The following GALNTL6 variants were observed in gnomAD, a reference collection of about 807,000 sequenced individuals.
GALNTL6 encodes polypeptide N-acetylgalactosaminyltransferase-like 6.
Under a neutral mutation model 73.7 loss-of-function variants are expected in GALNTL6, and 46 were observed. The observed-to-expected ratio is 0.62, with a 90% CI of 0.49 to 0.80. The LOEUF (loss-of-function observed/expected upper bound fraction) is 0.80. GALNTL6 is among the 30% of genes least tolerant of loss of function. The probability of loss-of-function intolerance (pLI) is 0.00; values close to 1 mark genes in which losing one functional copy is unlikely to be tolerated. For synonymous variants in GALNTL6, 259 were observed against 263.7 expected (o/e 0.98, Z 0.17); for missense variants, 604 against 755.0 (o/e 0.80, Z 2.34).
intron 5 of GALNTL6, among the ~76,000 whole-genome samples, chr4:172,763,632 G>T (rs1050539177): frequency 1.3e-5 from 2 of 152,192 alleles, no homozygotes; most frequent in African/African-American, 4.8e-5. Flanking sequence ...TAAAGGCATC[G>T]TATCTATGGA....
intron 5 of GALNTL6, among the ~76,000 whole-genome samples, chr4:172,763,882 T>C (rs1193890008): frequency 2.6e-5 from 4 of 151,724 alleles, no homozygotes; most frequent in African/African-American, 9.7e-5. Flanking sequence ...TTCAAAGAAA[T>C]ATCAATGACT....
chr4:172,425,618 A>C (rs1731200533), intron 5 of GALNTL6, among the ~76,000 whole-genome samples: 1 of 152,056 alleles, frequency 6.6e-6, no homozygotes, highest in Non-Finnish European at 1.5e-5. Flanking sequence ...TTCTCATAAT[A>C]AGAGCAAATA....
intron 12 of GALNTL6, among the ~76,000 whole-genome samples, chr4:173,025,317 T>C (rs1753188648): frequency 6.6e-6 from 1 of 152,202 alleles, no homozygotes; most frequent in African/African-American, 2.4e-5. Flanking sequence ...TAAAAATATT[T>C]GTCCTCACCC....
chr4:172,594,571 T>C (rs1737778807), intron 5 of GALNTL6, among the ~76,000 whole-genome samples: 1 of 152,152 alleles, frequency 6.6e-6, no homozygotes, highest in Non-Finnish European at 1.5e-5. Flanking sequence ...TTATATCTTG[T>C]TTTTTAAAAA....
chr4:172,985,265 T>A (rs1299778258), intron 10 of GALNTL6, among the ~76,000 whole-genome samples: 3 of 152,034 alleles, frequency 2.0e-5, no homozygotes. Flanking sequence ...CTGCAAAAAG[T>A]TCTAGCAATA....
intron 4 of GALNTL6, among the ~76,000 whole-genome samples, chr4:172,346,144 A>G (rs769138300): frequency 6.6e-6 from 1 of 152,206 alleles, no homozygotes; most frequent in Non-Finnish European, 1.5e-5. Context: ...GCTAGAGCTT[A>G]TCTCTCATGA....
intron 10 of GALNTL6, among the ~76,000 whole-genome samples, chr4:173,002,489 G>C (rs543114728): frequency 1.3e-5 from 2 of 151,422 alleles, no homozygotes; most frequent in Admixed American, 6.6e-5. Context: ...TTATATATGT[G>C]TTTATTCATA....
chr4:172,134,016 G>A (rs537050832), intron 2 of GALNTL6, among the ~76,000 whole-genome samples: 1 of 152,258 alleles, frequency 6.6e-6, no homozygotes, highest in South Asian at 2.1e-4. Context: ...AAAATTAGTT[G>A]ACTGAAGAAT....
intron 2 of GALNTL6, among the ~76,000 whole-genome samples, chr4:172,147,566 A>G (rs1482566641): frequency 6.6e-6 from 1 of 152,196 alleles, no homozygotes; most frequent in Non-Finnish European, 1.5e-5. Context: ...TTTCCCTGAG[A>G]GGTGCCAATT....
chr4:171,907,382 C>A (rs547079822), intron 2 of GALNTL6, among the ~76,000 whole-genome samples: 1 of 152,238 alleles, frequency 6.6e-6, no homozygotes, highest in East Asian at 1.9e-4. Context: ...CATGAGTGAA[C>A]TCCCATTCAC....
chr4:171,993,107 TA>T (rs1445075557), intron 2 of GALNTL6, among the ~76,000 whole-genome samples: 1 of 152,054 alleles, frequency 6.6e-6, no homozygotes, highest in East Asian at 1.9e-4. Flanking sequence ...ACGGCATATT[TA>T]ATTGTAACTT....
intron 5 of GALNTL6, among the ~76,000 whole-genome samples, chr4:172,362,242 C>T (rs1424725551): frequency 1.3e-5 from 2 of 152,026 alleles, no homozygotes; most frequent in African/African-American, 4.8e-5. Flanking sequence ...AAAGTTAATT[C>T]TGAAGTTGTA....
At chr4:172,423,131 A>G (rs1044898222) in intron 5 of GALNTL6, among the ~76,000 whole-genome samples, 1 of 151,870 alleles carries the variant, frequency 6.6e-6, no homozygotes, top group Non-Finnish European at 1.5e-5. Context: ...CCACCTCTAC[A>G]TCTCCACTCT....
intron 4 of GALNTL6, among the ~76,000 whole-genome samples, chr4:172,316,119 G>A (rs527307116): frequency 1.4e-4 from 21 of 152,010 alleles, no homozygotes; most frequent in African/African-American, 1.9e-4. Context: ...CAAATACCCC[G>A]TAAACATGAT....
intron 5 of GALNTL6, among the ~76,000 whole-genome samples, chr4:172,479,167 C>T (rs1197573835): frequency 6.6e-6 from 1 of 152,138 alleles, no homozygotes; most frequent in African/African-American, 2.4e-5. Context: ...TACTAAGTAT[C>T]TACCCAGAAG....
At chr4:172,185,846 G>A (rs969391059) in intron 2 of GALNTL6, among the ~76,000 whole-genome samples, 3 of 152,126 alleles carry the variant, frequency 2.0e-5, no homozygotes, top group East Asian at 1.9e-4. Flanking sequence ...AAGTAATATA[G>A]CATTGTAAAA....
At chr4:171,869,098 T>C (rs1736062099) in intron 2 of GALNTL6, among the ~76,000 whole-genome samples, 1 of 152,192 alleles carries the variant, frequency 6.6e-6, no homozygotes, top group Non-Finnish European at 1.5e-5. Context: ...AGAAATCCAA[T>C]TACCTCAGTT....
At chr4:172,962,383 C>T (rs986962203) in intron 10 of GALNTL6, among the ~76,000 whole-genome samples, 1 of 152,198 alleles carries the variant, frequency 6.6e-6, no homozygotes, top group African/African-American at 2.4e-5. Flanking sequence ...ATTAACTAAA[C>T]AAGACTTTAT....
At chr4:172,632,573 A>G (rs964046089) in intron 5 of GALNTL6, among the ~76,000 whole-genome samples, 2 of 152,226 alleles carry the variant, frequency 1.3e-5, no homozygotes, top group Non-Finnish European at 2.9e-5. Flanking sequence ...AAAATATTCA[A>G]GAGGAAGCAG....
Sources: allele counts gnomAD v4.1 joint callset (sites outside exome capture counted in the v4.1 genomes callset), GRCh38; gene constraint gnomAD v4.1.1; transcripts MANE v1.5; gene names NCBI Gene and HGNC (gene_info 2026-07-23, HGNC 2026-07-21).